PPWD1: variants seen among roughly 807,000 people sequenced by gnomAD.
PPWD1 encodes the protein peptidylprolyl isomerase domain and WD repeat containing 1.
PPWD1 carries 43 observed loss-of-function variants against 68.8 expected under a neutral mutation model. The ratio of observed to expected loss-of-function variants is 0.62; its 90% confidence interval spans 0.49 to 0.81. The LOEUF is 0.81. PPWD1 is among the 30% of genes least tolerant of loss of function. The pLI is 0.00. For synonymous variants in PPWD1, 232 were observed against 258.7 expected, an observed-to-expected ratio of 0.90 and a Z score of 0.99; for missense variants, 672 against 804.8, an observed-to-expected ratio of 0.83 and a Z score of 2.00.
intron 5 of PPWD1, among the ~76,000 whole-genome samples, chr5:65,574,760 G>T (rs173487): frequency 0.25 from 37,749 of 152,092 alleles, 4,997 homozygotes; most frequent in Non-Finnish European, 0.3. Flanking sequence ...ACCGCGCCCG[G>T]CCGGCACAAA....
rs552252365 is a variant in PPWD1, at chr5:65,580,559, G to A, written c.1350+946G>A. ...GATGGCATCTTGCTCTGTTGCCCAGGCTAGAGTGCAGTGACGTGACTTCAG... is the reference window on the plus strand; with the variant it reads ...GATGGCATCTTGCTCTGTTGCCCAGACTAGAGTGCAGTGACGTGACTTCAG... On this transcript the variant is annotated intron_variant, in intron 7 of 10. Transcript: ENST00000261308. 3.9e-5 allele frequency among the ~76,000 whole-genome samples: 6 copies of A among 152,242 alleles called. No homozygotes were observed. The South Asian group carries it at 1.2e-3, about 32-fold the overall frequency.
At chr5:65,569,128 C>T in intron 2 of PPWD1, 1 of 403,832 alleles carries the variant, frequency 2.5e-6, no homozygotes, top group South Asian at 1.8e-5. Context: ...TAAATGATTT[C>T]TATTTTTACA....
At chr5:65,581,618 G>T (rs1753600858) in intron 7 of PPWD1, among the ~76,000 whole-genome samples, 1 of 152,106 alleles carries the variant, frequency 6.6e-6, no homozygotes, top group Non-Finnish European at 1.5e-5. Context: ...GATATTTCTT[G>T]ATATACACTC....
At position 65,586,311 on chromosome 5, in the gene PPWD1, G is replaced by A. The variant is rs926746072; in HGVS notation, c.1797+130G>A. ...ATATCATCTAGCAGAATACAAATAT[G>A]AAAATGATCAAGAATATAAAATTAT... is the stretch of plus-strand genomic sequence containing the variant. On this transcript the variant is annotated intron_variant, in intron 10 of 10. Coordinates refer to ENST00000261308, the MANE Select transcript of PPWD1 (RefSeq NM_015342.4). 4.4e-6 allele frequency: 4 copies of A among 917,898 alleles called. No individual in the cohort carries two copies. In the African/African-American group the frequency reaches 6.9e-5, roughly 16 times the overall value. 56.9% of individuals were successfully genotyped at this position (917,898 alleles called of 1,614,324 possible). A position where few individuals can be genotyped will look rare whatever the true frequency, so the allele number is the denominator to read the frequency against.
chr5:65,579,761 G>T, intron 7 of PPWD1, 148 bp downstream of exon 7: 1 of 522,414 alleles, frequency 1.9e-6, no homozygotes, highest in South Asian at 7.5e-5. Flanking sequence ...TAATATTGTA[G>T]AATTTTAAAG....
intron 6 of PPWD1, among the ~76,000 whole-genome samples, chr5:65,578,786 A>ATATATATATACATATATATGTG (rs745512804): frequency 3.4e-4 from 47 of 138,028 alleles, no homozygotes; most frequent in African/African-American, 1.2e-3. Context: ...ATATATGTGT[A>ATATATATATACATATATATGTG]TATATATATA....
At chr5:65,581,223 A>T (rs1166199573) in intron 7 of PPWD1, among the ~76,000 whole-genome samples, 1 of 152,214 alleles carries the variant, frequency 6.6e-6, no homozygotes, top group African/African-American at 2.4e-5. Flanking sequence ...ATTTATTAGT[A>T]TATGAAGGAA....
Position 65,570,276 on chromosome 5 carries a change from T to C in PPWD1, c.521+278T>C, listed in dbSNP as rs993861174. On this transcript the variant is annotated intron_variant, in intron 4 of 10. Transcript: ENST00000261308. ...ACTTAGTAATATTACTGGAGCTCTG[T>C]CATATCTAATTACTGGTAGTTACAG... The C allele has an allele frequency of 4.4e-4, 396 of 903,740 alleles. 1 individual carries two copies. The highest frequency in any genetic ancestry group is 5.6e-4 in the South Asian group (11 of 19,536). 56.0% of individuals were successfully genotyped at this position (903,740 alleles called of 1,614,324 possible). A position where few individuals can be genotyped will look rare whatever the true frequency, so the allele number is the denominator to read the frequency against.
Position 65,571,815 on chromosome 5 carries a change from C to T in PPWD1, c.522-24C>T, listed in dbSNP as rs1380295893. ...CTTGTTGTGCTGACCTTTTTTTTTC[C>T]CTCTCAATTCTTTACGATTTTAGCT... On this transcript the variant is annotated intron_variant, in intron 4 of 10. Transcript: ENST00000261308. 14 of 1,587,166 alleles carry T rather than the reference C, an allele frequency of 8.8e-6. No individual in the cohort carries two copies. The Admixed American group carries it at 1.5e-4, about 17-fold the overall frequency.
At chr5:65,568,902 GT>G (rs747339774) in intron 2 of PPWD1, 6 of 454,800 alleles carry the variant, frequency 1.3e-5, no homozygotes, top group Middle Eastern at 6.7e-4. Flanking sequence ...TTTTTGTTTT[GT>G]TTTTTTAACC....
Position 65,579,421 on chromosome 5 carries a change from T to A in PPWD1, c.1161-3T>A. 6.6e-7 allele frequency: 1 copy of A among 1,504,202 alleles called. No individual in the cohort carries two copies. The highest frequency in any genetic ancestry group is 8.9e-7 in the Non-Finnish European group (1 of 1,127,022). 93.2% of individuals were successfully genotyped at this position (1,504,202 alleles called of 1,614,324 possible). A position where few individuals can be genotyped will look rare whatever the true frequency, so the allele number is the denominator to read the frequency against. On this transcript the variant is annotated splice_polypyrimidine_tract_variant and splice_region_variant and intron_variant, in intron 6 of 10. Transcript: ENST00000261308. ...GTTGTATAAAACATTGTTATATTTT[T>A]AGGTGTGTGCGGATTTTAGGCAAAC...
chr5:65,563,645 T>G, intron 1 of PPWD1, 139 bp downstream of exon 1: 1 of 1,340,194 alleles, frequency 7.5e-7, no homozygotes, highest in Admixed American at 2.1e-5. Context: ...TTCTGGCTAC[T>G]CCATACTTGC....
chr5:65,569,799 T>A lies in PPWD1; in HGVS notation c.400+67T>A, dbSNP rs1022052269. 81 of 1,550,998 alleles carry A rather than the reference T, an allele frequency of 5.2e-5. 1 individual carries two copies. In the African/African-American group the frequency reaches 6.3e-4, roughly 12 times the overall value. ...TATACTAATTAAAGTTTAAATTTTT[T>A]AAATTTTTTTTCTTTGAATCATGCA... On this transcript the variant is annotated intron_variant, in intron 3 of 10. Transcript: ENST00000261308.
In PPWD1 at chr5:65,567,345, G is replaced by T. The variant is rs1252262452; in HGVS notation, c.197-168G>T. The T allele has an allele frequency of 5.4e-6, 4 of 740,200 alleles. No homozygotes were observed. The African/African-American group carries it at 7.6e-5, about 14-fold the overall frequency. 45.9% of individuals were successfully genotyped at this position (740,200 alleles called of 1,614,324 possible). A position where few individuals can be genotyped will look rare whatever the true frequency, so the allele number is the denominator to read the frequency against. On this transcript the variant is annotated intron_variant, in intron 1 of 10. Coordinates refer to ENST00000261308, the MANE Select transcript of PPWD1 (RefSeq NM_015342.4). ...TATTCAGTGCTCTGAAATAATAGAC[G>T]TTAAAACTGAGATAACATACTGGAT...
In PPWD1 at chr5:65,567,631, CT is replaced by C. The variant is rs1752836657; in HGVS notation, c.299+22del. ...TATGCACCAAGTAAGTCTATCACAT[CT>C]TTTTTACTTTGTTCTGAGTTTATTT... is the stretch of plus-strand genomic sequence containing the variant. On this transcript the variant is annotated intron_variant, in intron 2 of 10. Transcript: ENST00000261308. 5 of 1,537,126 alleles carry C rather than the reference CT, an allele frequency of 3.3e-6. No individual in the cohort carries two copies. The highest frequency in any genetic ancestry group is 1.3e-5 in the South Asian group (1 of 77,504).
chr5:65,571,342 A>T (rs1398979875), intron 4 of PPWD1, among the ~76,000 whole-genome samples: 3 of 152,218 alleles, frequency 2.0e-5, no homozygotes, highest in African/African-American at 7.2e-5. Context: ...GAGTTTTAAT[A>T]TCAAGATTTA....
At chr5:65,565,926 T>C (rs1752732125) in intron 1 of PPWD1, among the ~76,000 whole-genome samples, 1 of 152,186 alleles carries the variant, frequency 6.6e-6, no homozygotes, top group South Asian at 2.1e-4. Flanking sequence ...GACAAGTATT[T>C]AACAATTTCA....
intron 2 of PPWD1, chr5:65,567,900 A>G (rs1467740613): frequency 3.3e-6 from 1 of 299,072 alleles, no homozygotes; most frequent in Non-Finnish European, 5.4e-6. Context: ...ATTAGTTAAG[A>G]TATGAGTAAC....
rs1561721552 is a variant in PPWD1, at chr5:65,567,534, ATC to A, written c.220_221del (p.Leu74Ter). The A allele has an allele frequency of 6.2e-7, 1 of 1,611,786 alleles. No homozygotes were observed. The highest frequency in any genetic ancestry group is 1.7e-5 in the Admixed American group (1 of 59,864). On this transcript the variant is annotated frameshift_variant, in exon 2 of 11. Transcript: ENST00000261308. LOFTEE classifies it high-confidence loss of function. The stretch of plus-strand genomic sequence containing the variant: ...TCAGTCTTAGAGTTTGAAAGAGTCT[ATC>A]TTGATAATCTCCCCAGTGCATCCAT...
Sources: gnomAD v4.1 joint callset for allele counts (sites outside exome capture counted in the v4.1 genomes callset) on GRCh38, gnomAD v4.1.1 for gene constraint, MANE v1.5 for transcripts, NCBI Gene and HGNC (gene_info 2026-07-23, HGNC 2026-07-21) for gene names.